The following RTCA variants were observed in gnomAD, a reference collection of about 807,000 sequenced individuals.
RTCA encodes RNA 3'-terminal phosphate cyclase, also known as RNA terminal phosphate cyclase domain 1.
In RTCA, 37 loss-of-function variants were observed where a neutral mutation model predicts 46.1. That is an observed-to-expected ratio of 0.80 (90% CI 0.62 to 1.06). The LOEUF is 1.06. RTCA is among the 50% of genes least tolerant of loss of function. The pLI is 0.00. For missense variants in RTCA, 435 were observed against 455.5 expected (o/e 0.95, Z 0.41); for synonymous variants, 164 against 158.3 (o/e 1.04, Z -0.27).
intron 9 of RTCA, among the ~76,000 whole-genome samples, chr1:100,286,219 G>T (rs181962296): frequency 1.3e-5 from 2 of 151,950 alleles, no homozygotes; most frequent in Non-Finnish European, 2.9e-5. Context: ...TTGGGAGGCC[G>T]AGGTGGGCGG....
At chr1:100,291,357 C>T in intron 10 of RTCA, 46 bp from the exon 11 acceptor site, 1 of 1,280,684 alleles carries the variant, frequency 7.8e-7, no homozygotes, top group Non-Finnish European at 1.1e-6. Context: ...GGGCTCTTTC[C>T]TCCATCTCTC....
Position 100,268,341 on chromosome 1 carries a change from C to T in RTCA, c.290+46C>T, listed in dbSNP as rs1301318460. 4.7e-6 allele frequency: 7 copies of T among 1,478,330 alleles called. No individual in the cohort carries two copies. The African/African-American group carries it at 7.0e-5, about 15-fold the overall frequency. The allele number at this position is 1,478,330 out of a possible 1,614,324, so 91.6% of individuals were successfully genotyped here. ...CATTTAAGTAACCTGGGTTTAAGTC[C>T]AGGTTTTGCCACTTTCTGGGCAAGT... On this transcript the variant is annotated intron_variant, in intron 3 of 10. Coordinates refer to ENST00000370128, the MANE Select transcript of RTCA (RefSeq NM_003729.4).
intron 5 of RTCA, 41 bp downstream of exon 5, chr1:100,273,493 C>T (rs377383750): frequency 1.6e-5 from 20 of 1,280,418 alleles, no homozygotes; most frequent in Middle Eastern, 2.0e-4. Context: ...CTATTACTTA[C>T]GCTAGAAGTA....
At chr1:100,268,669 A>AT (rs1665918716) in intron 3 of RTCA, among the ~76,000 whole-genome samples, 1 of 152,218 alleles carries the variant, frequency 6.6e-6, no homozygotes, top group Non-Finnish European at 1.5e-5. Flanking sequence ...TTTTGGGATT[A>AT]TAAGTGTGAG....
intron 4 of RTCA, among the ~76,000 whole-genome samples, chr1:100,272,658 C>G (rs963889366): frequency 3.3e-5 from 5 of 152,156 alleles, no homozygotes; most frequent in Non-Finnish European, 5.9e-5. Flanking sequence ...CCATCTTTCT[C>G]TGAAATATTG....
At chr1:100,278,783 C>T (rs924732933) in intron 8 of RTCA, among the ~76,000 whole-genome samples, 2 of 152,298 alleles carry the variant, frequency 1.3e-5, no homozygotes, top group South Asian at 4.1e-4. Context: ...GTTGAACTCA[C>T]ATAAATGAAT....
At chr1:100,268,399 TTA>T (rs1296929400) in intron 3 of RTCA, 104 bp downstream of exon 3, 1 of 976,346 alleles carries the variant, frequency 1.0e-6, no homozygotes, top group African/African-American at 1.7e-5. Flanking sequence ...TTCCCTACTT[TTA>T]TGTTTTTTTT....
chr1:100,283,239 C>G (rs4534406), intron 8 of RTCA, among the ~76,000 whole-genome samples: 112,239 of 147,662 alleles, frequency 0.76, 44,786 homozygotes, highest in East Asian at 0.94. Context: ...GGCACGATCT[C>G]AGCTCACCAT....
chr1:100,277,180 C>T, intron 7 of RTCA, 78 bp from the exon 8 acceptor site: 3 of 1,330,018 alleles, frequency 2.3e-6, no homozygotes. Context: ...ATTTAATAGT[C>T]ATTGTTCTCT....
At chr1:100,283,941 AAAAAAAAAGAAAAAAC>A (rs1570888886) in intron 8 of RTCA, among the ~76,000 whole-genome samples, 1 of 140,520 alleles carries the variant, frequency 7.1e-6, no homozygotes, top group Non-Finnish European at 1.5e-5. Flanking sequence ...AAAAGAAAAA[AAAAAAAAAGAAAAAAC>A]AAGAAAAAAC....
Position 100,285,219 on chromosome 1 carries a change from T to C in RTCA, c.800-9T>C. ...TTTTGTTTTGTTTTAATGTTGTGCT[T>C]ATCTTAAGGTGTAAATGCAGACAAA... On this transcript the variant is annotated splice_polypyrimidine_tract_variant and intron_variant, in intron 8 of 10. Transcript: ENST00000370128. 1 of 1,604,956 alleles carries C rather than the reference T, an allele frequency of 6.2e-7. No homozygotes were observed.
chr1:100,286,477 C>T (rs1004714777), intron 9 of RTCA, among the ~76,000 whole-genome samples: 2 of 118,390 alleles, frequency 1.7e-5, no homozygotes, highest in African/African-American at 6.8e-5. Flanking sequence ...AAAAAAAAAA[C>T]GAAAAACAAA....
At chr1:100,273,757 A>G (rs1412732304) in intron 5 of RTCA, among the ~76,000 whole-genome samples, 1 of 152,216 alleles carries the variant, frequency 6.6e-6, no homozygotes, top group Non-Finnish European at 1.5e-5. Flanking sequence ...GTGTGTAGAC[A>G]ACTGGACTAG....
At chr1:100,272,794 G>A (rs1348193703) in intron 4 of RTCA, among the ~76,000 whole-genome samples, 1 of 152,070 alleles carries the variant, frequency 6.6e-6, no homozygotes, top group Non-Finnish European at 1.5e-5. Context: ...GCAAAGTTCA[G>A]CTAAAGATAA....
chr1:100,269,443 C>G (rs1169681114), intron 3 of RTCA, among the ~76,000 whole-genome samples: 2 of 147,850 alleles, frequency 1.4e-5, no homozygotes, highest in African/African-American at 5.0e-5. Flanking sequence ...ACCTCTTGGG[C>G]TCAGGCGATT....
intron 1 of RTCA, 51 bp from the exon 2 acceptor site, chr1:100,266,473 C>G: frequency 1.2e-6 from 2 of 1,607,846 alleles, no homozygotes; most frequent in East Asian, 2.2e-5. Context: ...GAGGGGAGCT[C>G]TCACCACCGG....
At chr1:100,275,358 A>G (rs1219459085) in intron 6 of RTCA, among the ~76,000 whole-genome samples, 3 of 152,236 alleles carry the variant, frequency 2.0e-5, no homozygotes, top group Non-Finnish European at 4.4e-5. Flanking sequence ...ACAAACCTGC[A>G]CATGTACCTC....
At chr1:100,270,532 T>G (rs771242558) in intron 3 of RTCA, 25 bp from the exon 4 acceptor site, 3 of 1,601,862 alleles carry the variant, frequency 1.9e-6, no homozygotes, top group Admixed American at 1.8e-5. Flanking sequence ...AAAATGAAAA[T>G]AAGCCCCTTC....
intron 2 of RTCA, chr1:100,267,542 G>T (rs769961264): frequency 1.3e-6 from 2 of 1,545,768 alleles, no homozygotes; most frequent in South Asian, 2.4e-5. Context: ...TGACAAGGTT[G>T]GTTTCCTCTG....
Sources: gnomAD v4.1 joint callset for allele counts (sites outside exome capture counted in the v4.1 genomes callset) on GRCh38, gnomAD v4.1.1 for gene constraint, MANE v1.5 for transcripts, NCBI Gene and HGNC (gene_info 2026-07-23, HGNC 2026-07-21) for gene names.